Variants in STK4 observed in about 807,000 individuals in gnomAD.
STK4 encodes the protein serine/threonine-protein kinase 4.
A neutral mutation model predicts 64.9 loss-of-function variants in STK4; 30 were observed. The observed-to-expected ratio is 0.46, with a 90% confidence interval of 0.35 to 0.63. The LOEUF (loss-of-function observed/expected upper bound fraction) is 0.63. Ranked by LOEUF, STK4 falls within the 20% of genes least tolerant of loss-of-function variation. The probability of loss-of-function intolerance (pLI) is 0.01; values close to 1 mark genes in which losing one functional copy is unlikely to be tolerated. For synonymous variants in STK4, 177 were observed against 199.0 expected (o/e 0.89, Z 0.93); for missense variants, 466 against 598.5 (o/e 0.78, Z 2.31).
intron 9 of STK4, 101 bp downstream of exon 9, chr20:45,001,454 C>G: frequency 7.3e-7 from 1 of 1,370,546 alleles, no homozygotes; most frequent in Non-Finnish European, 9.7e-7. Context: ...TGGGTTCTTT[C>G]TTTTGTCACA....
chr20:45,000,744 C>A lies in STK4; in HGVS notation c.960+224C>A, dbSNP rs111354660. 3.6e-3 allele frequency among the ~76,000 whole-genome samples: 546 copies of A among 152,240 alleles called. 3 individuals carry two copies. The highest frequency in any genetic ancestry group is 0.013 in the African/African-American group (527 of 41,530). On this transcript the variant is annotated intron_variant, in intron 8 of 10. Coordinates refer to ENST00000372806, the MANE Select transcript of STK4 (RefSeq NM_006282.5). ...ACACTTTTAAATTTTACTCTTTGCC[C>A]CTCTTTTACTCAATTTAACTTTTTA... is the stretch of plus-strand genomic sequence containing the variant.
At chr20:45,004,524 T>G (rs1350169081) in intron 9 of STK4, 1 of 86,850 alleles carries the variant, frequency 1.2e-5, no homozygotes, top group Non-Finnish European at 3.1e-5. Flanking sequence ...TTTTTCATGG[T>G]TTTTTTTTTC....
At chr20:44,978,347 A>T (rs1381234908) in intron 2 of STK4, 96 bp from the exon 3 acceptor site, 2 of 1,430,334 alleles carry the variant, frequency 1.4e-6, no homozygotes, top group Admixed American at 5.2e-5. Flanking sequence ...GCACTTAGGG[A>T]TATATGTTAG....
At chr20:45,049,580 T>A (rs1056910592) in intron 10 of STK4, among the ~76,000 whole-genome samples, 2 of 152,188 alleles carry the variant, frequency 1.3e-5, no homozygotes, top group African/African-American at 4.8e-5. Context: ...TCTGTCACAT[T>A]ATCTGTGGAA....
chr20:45,053,186 T>C (rs1387554091), intron 10 of STK4: 1 of 1,608,940 alleles, frequency 6.2e-7, no homozygotes, highest in Non-Finnish European at 8.5e-7. Flanking sequence ...ACATGGTAAA[T>C]GAATGTCATC....
At position 44,972,099 on chromosome 20, in the gene STK4, A is replaced by C. The variant is rs2067258322; in HGVS notation, c.57A>C (p.Glu19Asp). ...ACAGGCAGCTGAAAAAGTTGGATGA[A>C]GATAGTTTAACCAAACAACCAGAAG... is the stretch of plus-strand genomic sequence containing the variant. Reference protein sequence around the residue: ...PPRRQLKKLDEDSLTKQPEEV... With the variant: ...PPRRQLKKLDDDSLTKQPEEV... Residue 19 changes from glutamate to aspartate, a missense_variant, in exon 2 of 11, where the codon GAA (glutamate) becomes GAC (aspartate). Physicochemically the swap from Glu to Asp is conservative, Grantham distance 45 (BLOSUM62 2). Coordinates refer to ENST00000372806, the MANE Select transcript of STK4 (RefSeq NM_006282.5). 1 of 1,614,012 alleles carries C rather than the reference A, an allele frequency of 6.2e-7. No individual in the cohort carries two copies. The highest frequency in any genetic ancestry group is 1.3e-5 in the African/African-American group (1 of 75,066).
intron 10 of STK4, among the ~76,000 whole-genome samples, chr20:45,054,151 G>A (rs893345499): frequency 6.6e-6 from 1 of 152,124 alleles, no homozygotes; most frequent in African/African-American, 2.4e-5. Flanking sequence ...GTATGCTAAT[G>A]CTGCCCCGCA....
chr20:45,057,285 G>A (rs756933319), intron 10 of STK4, among the ~76,000 whole-genome samples: 7 of 152,302 alleles, frequency 4.6e-5, no homozygotes, highest in African/African-American at 1.4e-4. Flanking sequence ...CACAGCACAC[G>A]TTCTTCAGAG....
intron 10 of STK4, among the ~76,000 whole-genome samples, chr20:45,062,740 C>A (rs140120469): frequency 6.6e-6 from 1 of 151,796 alleles, no homozygotes; most frequent in Non-Finnish European, 1.5e-5. Flanking sequence ...GGCTGGAGCG[C>A]GATCTTGGCT....
intron 10 of STK4, among the ~76,000 whole-genome samples, chr20:45,040,175 G>T (rs2068590703): frequency 1.3e-5 from 2 of 151,124 alleles, no homozygotes; most frequent in South Asian, 4.2e-4. Context: ...GTCATTGTCT[G>T]GATGCCATTT....
At chr20:45,045,098 A>G (rs2068672719) in intron 10 of STK4, among the ~76,000 whole-genome samples, 1 of 152,236 alleles carries the variant, frequency 6.6e-6, no homozygotes, top group Non-Finnish European at 1.5e-5. Context: ...AATGATGACA[A>G]ATAATTCAGA....
intron 10 of STK4, among the ~76,000 whole-genome samples, chr20:45,027,589 A>G (rs1363757577): frequency 6.6e-6 from 1 of 152,186 alleles, no homozygotes; most frequent in Non-Finnish European, 1.5e-5. Flanking sequence ...TAATTGGGAT[A>G]TCTATTACCT....
intron 10 of STK4, among the ~76,000 whole-genome samples, chr20:45,032,490 T>C (rs1568739154): frequency 6.6e-6 from 1 of 152,180 alleles, no homozygotes; most frequent in Non-Finnish European, 1.5e-5. Flanking sequence ...GTACTCAGTG[T>C]TGAGCTCCTA....
At chr20:45,052,396 TTAACA>T (rs1978291618) in intron 10 of STK4, among the ~76,000 whole-genome samples, 1 of 152,228 alleles carries the variant, frequency 6.6e-6, no homozygotes, top group African/African-American at 2.4e-5. Flanking sequence ...TTTTTTTCAC[TTAACA>T]TATCTTAAAC....
chr20:45,031,891 C>T (rs6073608), intron 10 of STK4, among the ~76,000 whole-genome samples: 16,520 of 125,544 alleles, frequency 0.13, 1,243 homozygotes, highest in Middle Eastern at 0.29. Context: ...GCTGACACAG[C>T]GAGACTTCAT....
chr20:45,009,356 G>A (rs1204075369), intron 9 of STK4, among the ~76,000 whole-genome samples: 1 of 152,020 alleles, frequency 6.6e-6, no homozygotes, highest in African/African-American at 2.4e-5. Context: ...AGGTGTGCAG[G>A]TTTATTTCTG....
intron 1 of STK4, among the ~76,000 whole-genome samples, chr20:44,968,270 T>C (rs368293035): frequency 6.6e-6 from 1 of 152,314 alleles, no homozygotes; most frequent in African/African-American, 2.4e-5. Flanking sequence ...CCTGTGTAAC[T>C]GGGACCACAG....
intron 10 of STK4, among the ~76,000 whole-genome samples, chr20:45,057,929 A>G (rs1013528514): frequency 4.6e-5 from 7 of 152,198 alleles, no homozygotes; most frequent in Non-Finnish European, 1.5e-5. Context: ...ACTATCCTAA[A>G]ATATTTAGGC....
At chr20:45,070,782 G>C (rs1979995870) in intron 10 of STK4, among the ~76,000 whole-genome samples, 1 of 151,914 alleles carries the variant, frequency 6.6e-6, no homozygotes, top group African/African-American at 2.4e-5. Flanking sequence ...CAGCTACTTG[G>C]GAGGCTGAGG....
Sources: allele counts gnomAD v4.1 joint callset (sites outside exome capture counted in the v4.1 genomes callset), GRCh38; gene constraint gnomAD v4.1.1; transcripts MANE v1.5; gene names NCBI Gene and HGNC (gene_info 2026-07-23, HGNC 2026-07-21).